The following HECA variants were observed in gnomAD, a reference collection of about 807,000 sequenced individuals.
The protein encoded by HECA is headcase protein homolog.
HECA carries 13 observed loss-of-function variants against 37.6 expected under a neutral mutation model. That is an observed-to-expected ratio of 0.35 (90% CI 0.23 to 0.55). HECA has a LOEUF of 0.55. Ranked by LOEUF, HECA falls within the 20% of genes least tolerant of loss-of-function variation. HECA has a pLI of 0.90. For missense variants in HECA, 527 were observed against 701.9 expected (o/e 0.75, Z 2.82); for synonymous variants, 307 against 291.5 (o/e 1.05, Z -0.54).
chr6:139,159,710 G>A (rs12661722), intron 1 of HECA, among the ~76,000 whole-genome samples: 4,209 of 152,234 alleles, frequency 0.028, 75 homozygotes, highest in East Asian at 0.054. Flanking sequence ...TCCTTCATCA[G>A]AAGATTTATT....
chr6:139,153,957 C>G (rs569563435), intron 1 of HECA, among the ~76,000 whole-genome samples: 20 of 152,232 alleles, frequency 1.3e-4, no homozygotes, highest in Non-Finnish European at 2.4e-4. Flanking sequence ...AGAACACTGC[C>G]AAGAATTACC....
intron 1 of HECA, chr6:139,155,885 T>C (rs1422523726): frequency 6.6e-6 from 1 of 152,186 alleles, no homozygotes; most frequent in Non-Finnish European, 1.5e-5. Flanking sequence ...AGCTTCACAT[T>C]GTGTGCAAAA....
chr6:139,179,410 T>C lies in HECA; in HGVS notation c.*2305T>C, dbSNP rs1775102740. The C allele has an allele frequency of 6.6e-6, 1 of 152,204 alleles. No individual in the cohort carries two copies. The highest frequency in any genetic ancestry group is 2.4e-5 in the African/African-American group (1 of 41,452). 9.4% of individuals were successfully genotyped at this position (152,204 alleles called of 1,614,324 possible). A position where few individuals can be genotyped will look rare whatever the true frequency, so the allele number is the denominator to read the frequency against. ...TTAGAACTGCCGTCAGTGTAGTGTA[T>C]GCTGTGTTCCATGTTGCCTTTTTAG... is the stretch of plus-strand genomic sequence containing the variant. On this transcript the variant is annotated 3_prime_UTR_variant, in exon 4 of 4. Transcript: ENST00000367658.
rs1366389899 is a variant in HECA at position 139,176,327 on chromosome 6, T to C, written c.1468-614T>C. On this transcript the variant is annotated intron_variant, in intron 3 of 3. Coordinates refer to ENST00000367658, the MANE Select transcript of HECA (RefSeq NM_016217.3). This position sits in a 1 kb window ranked among gnomAD's most constrained non-coding sequence, Gnocchi z 4.5. ...ACAAGTTGAGATTATACTTTTTAAG[T>C]ACATTTTTAAAATGAGTCTAAATTG... 6.6e-6 allele frequency among the ~76,000 whole-genome samples: 1 copy of C among 152,218 alleles called. No homozygotes were observed. Among genetic ancestry groups the C allele is most frequent in the African/African-American group, 2.4e-5 (1 of 41,460 alleles).
Position 139,135,337 on chromosome 6 carries a change from C to A in HECA, c.-60C>A, listed in dbSNP as rs1774416235. 8.0e-7 allele frequency: 1 copy of A among 1,242,466 alleles called. No individual in the cohort carries two copies. The highest frequency in any genetic ancestry group is 1.6e-5 in the South Asian group (1 of 63,576). 77.0% of individuals were successfully genotyped at this position (1,242,466 alleles called of 1,614,324 possible). A position where few individuals can be genotyped will look rare whatever the true frequency, so the allele number is the denominator to read the frequency against. ...GGCTTCACGCAGGGCCGGGAACGGC[C>A]GTGCCTCTGGGATCCGCCTTCGCTG... On this transcript the variant is annotated 5_prime_UTR_variant, in exon 1 of 4. Transcript: ENST00000367658.
At chr6:139,160,587 A>T (rs1562246484) in intron 1 of HECA, among the ~76,000 whole-genome samples, 1 of 152,098 alleles carries the variant, frequency 6.6e-6, no homozygotes, top group Admixed American at 6.5e-5. Flanking sequence ...CTAATTTTTT[A>T]AAATTTTCAT....
intron 1 of HECA, among the ~76,000 whole-genome samples, chr6:139,164,048 TCA>T (rs879793262): frequency 3.5e-5 from 5 of 142,588 alleles, no homozygotes; most frequent in East Asian, 1.9e-4. Flanking sequence ...GCATGGACTC[TCA>T]CACACACACA....
intron 1 of HECA, chr6:139,151,074 A>G (rs1774644212): frequency 6.6e-6 from 1 of 152,194 alleles, no homozygotes; most frequent in Non-Finnish European, 1.5e-5. Context: ...CAGATTCTAT[A>G]ACTTGCCTGT....
At chr6:139,174,252 G>T in intron 2 of HECA, 133 bp from the exon 3 acceptor site, 1 of 1,033,474 alleles carries the variant, frequency 9.7e-7, no homozygotes, top group Non-Finnish European at 1.4e-6. Flanking sequence ...ACTAAATATT[G>T]ATTTTTCTTT....
At chr6:139,171,802 GT>G (rs1287870979) in intron 2 of HECA, among the ~76,000 whole-genome samples, 1 of 150,282 alleles carries the variant, frequency 6.7e-6, no homozygotes, top group African/African-American at 2.4e-5. Flanking sequence ...TATTTAATTT[GT>G]TTAAACTTGT....
intron 1 of HECA, among the ~76,000 whole-genome samples, chr6:139,137,537 C>T (rs888599961): frequency 7.9e-5 from 12 of 151,710 alleles, no homozygotes; most frequent in Non-Finnish European, 2.9e-5. Flanking sequence ...AGGGATCCAG[C>T]GGTAATCAAG....
chr6:139,144,727 A>G (rs2473535), intron 1 of HECA: 133,932 of 152,174 alleles, frequency 0.88, 59,449 homozygotes, highest in African/African-American at 0.97. Flanking sequence ...TTTTAATATA[A>G]CTAATAAAGG....
chr6:139,136,201 T>C (rs1200369357), intron 1 of HECA, among the ~76,000 whole-genome samples: 1 of 151,576 alleles, frequency 6.6e-6, no homozygotes, highest in African/African-American at 2.4e-5. Context: ...TGTTTGCTCT[T>C]TAATTTTTTG....
intron 1 of HECA, among the ~76,000 whole-genome samples, chr6:139,136,636 GTTTTGTTTTTTTTT>G: frequency 7.0e-6 from 1 of 143,370 alleles, no homozygotes; most frequent in Admixed American, 7.0e-5. Flanking sequence ...GCACTTTTTT[GTTTTGTTTTTTTTT>G]TTTTAGACGG....
intron 1 of HECA, among the ~76,000 whole-genome samples, chr6:139,164,796 C>T (rs918281452): frequency 6.6e-6 from 1 of 150,906 alleles, no homozygotes; most frequent in Non-Finnish European, 1.5e-5. Flanking sequence ...CCCCCCACCG[C>T]CCCCCACCGC....
chr6:139,138,451 A>G (rs775414681), intron 1 of HECA, among the ~76,000 whole-genome samples: 4 of 152,230 alleles, frequency 2.6e-5, no homozygotes, highest in Non-Finnish European at 2.9e-5. Context: ...CAAGTCAGCT[A>G]TCTACATCTG....
chr6:139,165,397 A>G (rs1182304954), intron 1 of HECA, among the ~76,000 whole-genome samples: 2 of 152,120 alleles, frequency 1.3e-5, no homozygotes, highest in Non-Finnish European at 2.9e-5. Flanking sequence ...ATGAACCTAC[A>G]TTTACACATC....
intron 2 of HECA, among the ~76,000 whole-genome samples, chr6:139,172,719 C>T (rs553031346): frequency 2.6e-5 from 4 of 152,200 alleles, no homozygotes; most frequent in African/African-American, 9.6e-5. Context: ...GTTACGGATC[C>T]GAGAGACATG....
intron 1 of HECA, among the ~76,000 whole-genome samples, chr6:139,137,631 C>CTTTTTT (rs34487492): frequency 8.1e-6 from 1 of 123,688 alleles, no homozygotes; most frequent in African/African-American, 3.1e-5. Context: ...CTACCAGCTC[C>CTTTTTT]TTTTTTTTTT....
Sources: gnomAD v4.1 joint callset for allele counts (sites outside exome capture counted in the v4.1 genomes callset) on GRCh38, gnomAD v4.1.1 for gene constraint, Gnocchi (gnomAD v3.1) non-coding constraint, MANE v1.5 for transcripts, NCBI Gene and HGNC (gene_info 2026-07-23, HGNC 2026-07-21) for gene names.